Variants in CFAP54 observed in about 807,000 individuals in gnomAD.
The protein encoded by CFAP54 is cilia- and flagella-associated protein 54.
CFAP54 carries 290 observed loss-of-function variants against 370.4 expected under a neutral mutation model. The ratio of observed to expected loss-of-function variants is 0.78; its 90% CI spans 0.71 to 0.86. The LOEUF (loss-of-function observed/expected upper bound fraction) is 0.86. Ranked by LOEUF, CFAP54 falls within the 40% of genes least tolerant of loss-of-function variation. CFAP54 has a pLI of 0.00. For synonymous variants in CFAP54, 1,206 were observed against 1,236.5 expected (o/e 0.98, Z 0.52); for missense variants, 3,399 against 3,528.7 (o/e 0.96, Z 0.93).
intron 12 of CFAP54, among the ~76,000 whole-genome samples, chr12:96,536,417 A>T (rs938250623): frequency 9.2e-5 from 14 of 152,204 alleles, no homozygotes; most frequent in Admixed American, 2.6e-4. Context: ...AGTGAAGCAC[A>T]CTTGAGAAGT....
chr12:96,679,583 C>CTTTTCTTT lies in CFAP54; in HGVS notation c.5564-16_5564-9dup. On this transcript the variant is annotated splice_polypyrimidine_tract_variant and intron_variant, in intron 39 of 67. Coordinates refer to ENST00000524981, the MANE Select transcript of CFAP54 (RefSeq NM_001306084.2). ...GCAGCATTTCATCCCCAATATTCCG[C>CTTTTCTTT]TTTTCTTTCCTTTCAGAATACAGCC... The CTTTTCTTT allele has an allele frequency of 6.2e-7, 1 of 1,603,256 alleles. No individual in the cohort carries two copies. Among genetic ancestry groups the CTTTTCTTT allele is most frequent in the Non-Finnish European group, 8.5e-7 (1 of 1,174,834 alleles).
intron 58 of CFAP54, among the ~76,000 whole-genome samples, chr12:96,760,010 G>T (rs565376318): frequency 1.3e-5 from 2 of 152,232 alleles, no homozygotes; most frequent in African/African-American, 4.8e-5. Flanking sequence ...CTTACTGAGG[G>T]CTTAATGTAC....
chr12:96,849,683 T>G (rs558510503), intron 66 of CFAP54, among the ~76,000 whole-genome samples: 229 of 152,348 alleles, frequency 1.5e-3, no homozygotes, highest in African/African-American at 5.4e-3. Flanking sequence ...AACTCTGTAA[T>G]GGCTTTCAAA....
intron 26 of CFAP54, among the ~76,000 whole-genome samples, chr12:96,620,652 A>G (rs750232296): frequency 6.6e-6 from 1 of 152,246 alleles, no homozygotes; most frequent in Non-Finnish European, 1.5e-5. Context: ...AATTCACACA[A>G]ACTTATTTAT....
chr12:96,800,318 G>A (rs533157661), intron 63 of CFAP54, among the ~76,000 whole-genome samples: 2 of 152,288 alleles, frequency 1.3e-5, no homozygotes, highest in South Asian at 4.1e-4. Flanking sequence ...AATTAACATA[G>A]AAGCATGAAC....
chr12:96,768,198 G>A (rs1205683193), intron 60 of CFAP54, among the ~76,000 whole-genome samples: 2 of 151,944 alleles, frequency 1.3e-5, no homozygotes, highest in Non-Finnish European at 2.9e-5. Context: ...CTGCACACCT[G>A]TAGTCCCAAC....
chr12:96,850,754 G>A (rs1959518887), intron 66 of CFAP54, among the ~76,000 whole-genome samples: 1 of 152,146 alleles, frequency 6.6e-6, no homozygotes, highest in Non-Finnish European at 1.5e-5. Context: ...CATGGTGCAA[G>A]GCAAAGGGGA....
Position 96,621,593 on chromosome 12 carries a change from C to A in CFAP54, c.3643C>A (p.Leu1215Ile), listed in dbSNP as rs1276567836. ...ACCIFYITKI[L>I]RSWREYDLAV... ...ATTAATAAATATTTTAAATTAGATT[C>A]TTCGTTCATGGAGGGAATATGACCT... The change falls in exon 27 of 68, where the codon CTT becomes ATT. Residue 1215 changes from leucine (L) to isoleucine (I), a missense_variant. Coordinates refer to ENST00000524981, the MANE Select transcript of CFAP54 (RefSeq NM_001306084.2). The A allele has an allele frequency of 4.8e-6, 7 of 1,454,904 alleles. No homozygotes were observed. The highest frequency in any genetic ancestry group is 1.4e-5 in the African/African-American group (1 of 70,742). The allele number at this position is 1,454,904 out of a possible 1,614,324, so 90.1% of individuals were successfully genotyped here.
chr12:96,821,256 G>C (rs984603911), intron 65 of CFAP54, among the ~76,000 whole-genome samples: 1 of 152,120 alleles, frequency 6.6e-6, no homozygotes, highest in African/African-American at 2.4e-5. Context: ...TGAGTCAAGA[G>C]GTTGACTATA....
chr12:96,828,265 A>G (rs1959150688), intron 65 of CFAP54, among the ~76,000 whole-genome samples: 1 of 151,228 alleles, frequency 6.6e-6, no homozygotes, highest in Admixed American at 6.7e-5. Flanking sequence ...GTTTGTCAGT[A>G]TGAGTTGAGT....
chr12:96,790,990 G>A (rs1958685746), intron 62 of CFAP54, among the ~76,000 whole-genome samples: 1 of 152,126 alleles, frequency 6.6e-6, no homozygotes, highest in Admixed American at 6.5e-5. Context: ...GAAATAATGG[G>A]AGGGACAAAG....
intron 42 of CFAP54, among the ~76,000 whole-genome samples, chr12:96,688,060 T>C (rs1957346561): frequency 2.0e-5 from 3 of 152,124 alleles, no homozygotes; most frequent in Admixed American, 2.0e-4. Context: ...CACTTGAAGA[T>C]CCACACAGTG....
At chr12:96,834,744 C>T (rs1565996991) in intron 66 of CFAP54, among the ~76,000 whole-genome samples, 1 of 152,206 alleles carries the variant, frequency 6.6e-6, no homozygotes, top group Non-Finnish European at 1.5e-5. Flanking sequence ...TTTTCTCCTG[C>T]AACATGGCGA....
chr12:96,774,528 A>T (rs1958496282), intron 60 of CFAP54, among the ~76,000 whole-genome samples: 1 of 151,994 alleles, frequency 6.6e-6, no homozygotes, highest in South Asian at 2.1e-4. Context: ...ACATTTTTTA[A>T]ATTTTTGTAA....
chr12:96,644,481 C>G, intron 33 of CFAP54, 73 bp downstream of exon 33: 1 of 1,066,570 alleles, frequency 9.4e-7, no homozygotes, highest in Non-Finnish European at 1.4e-6. Flanking sequence ...GTTCAGAGCT[C>G]CAATGGTGCT....
At chr12:96,634,675 G>C (rs139505640) in intron 32 of CFAP54, among the ~76,000 whole-genome samples, 1 of 151,982 alleles carries the variant, frequency 6.6e-6, no homozygotes, top group East Asian at 1.9e-4. Flanking sequence ...TTGCCTAATC[G>C]TAGGTCCTTT....
At chr12:96,720,611 C>T in intron 50 of CFAP54, 46 bp downstream of exon 50, 1 of 1,299,096 alleles carries the variant, frequency 7.7e-7, no homozygotes, top group Non-Finnish European at 9.9e-7. Flanking sequence ...GAAGAGAGTT[C>T]CTTCACCCTA....
In CFAP54 at chr12:96,744,109, C is replaced by G; in HGVS notation, c.7647C>G (p.Pro2549=). ...AGCCTTTGAAAAATATCTATCTTCCCCATGTCATGTTATTGGCCAAAATAA... is the reference window on the plus strand; with the variant it reads ...AGCCTTTGAAAAATATCTATCTTCCGCATGTCATGTTATTGGCCAAAATAA... ...PLQPLKNIYL[P]HVMLLAKIKM... is the part of the protein sequence containing the mutation. Residue 2549 remains proline (P), a synonymous_variant, in exon 55 of 68, where the codon CCC becomes CCG. Coordinates refer to ENST00000524981, the MANE Select transcript of CFAP54 (RefSeq NM_001306084.2). 2 of 1,609,848 alleles carry G rather than the reference C, an allele frequency of 1.2e-6. No individual in the cohort carries two copies. The highest frequency in any genetic ancestry group is 1.7e-6 in the Non-Finnish European group (2 of 1,176,922).
chr12:96,724,042 G>A (rs1957796647), intron 50 of CFAP54, among the ~76,000 whole-genome samples: 1 of 151,988 alleles, frequency 6.6e-6, no homozygotes, highest in Non-Finnish European at 1.5e-5. Context: ...ATTCCATGGT[G>A]TATATGTGCC....
Sources: allele counts gnomAD v4.1 joint callset (sites outside exome capture counted in the v4.1 genomes callset), GRCh38; gene constraint gnomAD v4.1.1; transcripts MANE v1.5; gene names NCBI Gene and HGNC (gene_info 2026-07-23, HGNC 2026-07-21).